The following ZC3H12C variants were observed in gnomAD, a reference collection of about 807,000 sequenced individuals.
ZC3H12C encodes probable ribonuclease ZC3H12C.
Under a neutral mutation model 76.3 loss-of-function variants are expected in ZC3H12C, and 20 were observed. That is an observed-to-expected ratio of 0.26 (90% confidence interval 0.18 to 0.38). The LOEUF (loss-of-function observed/expected upper bound fraction) is 0.38. Ranked by LOEUF, ZC3H12C falls within the 10% of genes least tolerant of loss-of-function variation. ZC3H12C has a pLI of 1.00. For missense variants in ZC3H12C, 874 were observed against 1,086.5 expected, an observed-to-expected ratio of 0.80 and a Z score of 2.75; for synonymous variants, 352 against 399.6, an observed-to-expected ratio of 0.88 and a Z score of 1.42.
intron 2 of ZC3H12C, among the ~76,000 whole-genome samples, chr11:110,139,526 G>A (rs1216551047): frequency 2.0e-5 from 3 of 152,132 alleles, no homozygotes; most frequent in Non-Finnish European, 4.4e-5. Flanking sequence ...CTCGCCAAGT[G>A]TCATAGAGGT....
intron 2 of ZC3H12C, among the ~76,000 whole-genome samples, chr11:110,151,503 TAGTG>T (rs1565265227): frequency 6.6e-6 from 1 of 152,218 alleles, no homozygotes; most frequent in Non-Finnish European, 1.5e-5. Context: ...AGTAAAATTT[TAGTG>T]AGGTTTTAGC....
At chr11:110,148,058 G>A (rs1163875611) in intron 2 of ZC3H12C, among the ~76,000 whole-genome samples, 5 of 152,238 alleles carry the variant, frequency 3.3e-5, no homozygotes, top group African/African-American at 1.2e-4. Context: ...AGCAGAAGGA[G>A]CAACAGCAGA....
intron 3 of ZC3H12C, 120 bp from the exon 4 acceptor site, chr11:110,159,136 C>A (rs1862431386): frequency 2.8e-6 from 2 of 701,930 alleles, no homozygotes; most frequent in Non-Finnish European, 4.7e-6. Flanking sequence ...AAATCATAAT[C>A]CCTAATTAAA....
At position 110,166,356 on chromosome 11, in the gene ZC3H12C, T is replaced by TTAGAA. The variant is rs1197623724; in HGVS notation, c.*621_*625dup. ...TGAAATGTGTTACAGTATATATATA[T>TTAGAA]TAGAATGATTTACAATATGGCACTT... On this transcript the variant is annotated 3_prime_UTR_variant, in exon 6 of 6. Transcript: ENST00000278590. 1.3e-5 allele frequency: 2 copies of TTAGAA among 152,204 alleles called. No individual in the cohort carries two copies. The highest frequency in any genetic ancestry group is 4.8e-5 in the African/African-American group (2 of 41,454). The allele number at this position is 152,204 out of a possible 1,614,324, so 9.4% of individuals were successfully genotyped here. A position where few individuals can be genotyped will look rare whatever the true frequency, so the allele number is the denominator to read the frequency against.
At chr11:110,157,644 C>T (rs753625347) in intron 3 of ZC3H12C, among the ~76,000 whole-genome samples, 1 of 151,984 alleles carries the variant, frequency 6.6e-6, no homozygotes, top group African/African-American at 2.4e-5. Flanking sequence ...CTATGTTGGC[C>T]AGGGTAGACT....
At chr11:110,163,007 G>T (rs1268602783) in intron 4 of ZC3H12C, among the ~76,000 whole-genome samples, 2 of 152,194 alleles carry the variant, frequency 1.3e-5, no homozygotes, top group Non-Finnish European at 2.9e-5. Flanking sequence ...AGACTGAGAG[G>T]AAGGAAGAAT....
intron 1 of ZC3H12C, among the ~76,000 whole-genome samples, chr11:110,130,644 T>G (rs1218630598): frequency 6.6e-6 from 1 of 152,252 alleles, no homozygotes; most frequent in Non-Finnish European, 1.5e-5. Flanking sequence ...TATAATTGGT[T>G]TCTTTGTTTC....
chr11:110,093,461 G>A (rs7116896), intron 1 of ZC3H12C, 29 bp downstream of exon 1: 345,974 of 1,195,118 alleles, frequency 0.29, 52,242 homozygotes, highest in African/African-American at 0.49. Context: ...GGTGGGGGAC[G>A]CGGACCGCGG....
At chr11:110,128,216 T>G (rs1460050553) in intron 1 of ZC3H12C, among the ~76,000 whole-genome samples, 1 of 152,022 alleles carries the variant, frequency 6.6e-6, no homozygotes, top group African/African-American at 2.4e-5. Flanking sequence ...GTATTTTCCC[T>G]GCAGTGGGAA....
chr11:110,100,619 G>A (rs1861196914), intron 1 of ZC3H12C, among the ~76,000 whole-genome samples: 1 of 152,034 alleles, frequency 6.6e-6, no homozygotes, highest in Non-Finnish European at 1.5e-5. Context: ...TATTTTATCT[G>A]TTATGGTGAT....
intron 1 of ZC3H12C, among the ~76,000 whole-genome samples, chr11:110,117,689 A>G (rs1301379008): frequency 7.3e-6 from 1 of 136,822 alleles, no homozygotes; most frequent in East Asian, 2.1e-4. Context: ...ATATATATAC[A>G]CACACACATA....
intron 2 of ZC3H12C, among the ~76,000 whole-genome samples, chr11:110,138,644 GC>G (rs1293363003): frequency 1.3e-5 from 2 of 149,944 alleles, no homozygotes; most frequent in East Asian, 3.9e-4. Context: ...TGCAACCTCC[GC>G]CCCCAGGTTC....
intron 2 of ZC3H12C, among the ~76,000 whole-genome samples, chr11:110,150,368 A>G (rs909452839): frequency 2.0e-5 from 3 of 152,044 alleles, no homozygotes; most frequent in African/African-American, 2.4e-5. Flanking sequence ...CATTTTATCT[A>G]TAAAGCTCTT....
intron 1 of ZC3H12C, among the ~76,000 whole-genome samples, chr11:110,123,166 C>T (rs1469944451): frequency 6.6e-6 from 1 of 152,118 alleles, no homozygotes; most frequent in Non-Finnish European, 1.5e-5. Flanking sequence ...GGGGGACTAC[C>T]GAATGTCCTC....
intron 1 of ZC3H12C, among the ~76,000 whole-genome samples, chr11:110,093,652 G>A (rs1200911618): frequency 2.6e-5 from 4 of 151,978 alleles, no homozygotes; most frequent in African/African-American, 9.7e-5. Flanking sequence ...GGAAAGCCCA[G>A]CGCATCCTCC....
chr11:110,155,550 G>A (rs1330775148), intron 3 of ZC3H12C, among the ~76,000 whole-genome samples: 1 of 150,234 alleles, frequency 6.7e-6, no homozygotes, highest in African/African-American at 2.4e-5. Flanking sequence ...AAAAAAAAGT[G>A]TTCATTCATT....
At chr11:110,099,010 A>C (rs1861164721) in intron 1 of ZC3H12C, among the ~76,000 whole-genome samples, 2 of 152,188 alleles carry the variant, frequency 1.3e-5, no homozygotes, top group African/African-American at 4.8e-5. Flanking sequence ...TTTCCTGTAT[A>C]ATTGGAATTA....
intron 1 of ZC3H12C, among the ~76,000 whole-genome samples, chr11:110,106,754 G>A (rs975723651): frequency 1.3e-5 from 2 of 152,218 alleles, no homozygotes; most frequent in African/African-American, 4.8e-5. Flanking sequence ...TAATCATCTG[G>A]CTACCTTACT....
In ZC3H12C at chr11:110,137,365, G is replaced by A. The variant is rs1173797875; in HGVS notation, c.724G>A (p.Gly242Ser). 3 of 1,613,158 alleles carry A rather than the reference G, an allele frequency of 1.9e-6. No homozygotes were observed. Among genetic ancestry groups the A allele is most frequent in the Non-Finnish European group, 2.5e-6 (3 of 1,179,722 alleles). The change falls in exon 2 of 6, where the codon GGT becomes AGT. Residue 242 changes from glycine to serine, a missense_variant. By Grantham distance (56) the Gly-to-Ser change is moderately conservative. Around this residue, in one of 3 missense-constraint regions of ZC3H12C, gnomAD observed 269 missense variants for 424.9 expected, o/e 0.63. Transcript: ENST00000278590. ...AATGCAAGAGATTGTAACAGATGAT[G>A]GTGAAAATCTGAGACCAATAGTTAT... ...SPMQEIVTDD[G>S]ENLRPIVIDG... is the part of the protein sequence containing the mutation.
Sources: allele counts gnomAD v4.1 joint callset (sites outside exome capture counted in the v4.1 genomes callset), GRCh38; gene constraint gnomAD v4.1.1; regional missense constraint gnomAD v4.1.1; transcripts MANE v1.5; gene names NCBI Gene and HGNC (gene_info 2026-07-23, HGNC 2026-07-21).